The following LPL variants were observed in gnomAD, a reference collection of about 807,000 sequenced individuals.
The protein encoded by LPL is lipoprotein lipase, also known as phospholipase A1.
Under a neutral mutation model 52.2 loss-of-function variants are expected in LPL, and 43 were observed. The observed-to-expected ratio is 0.82, with a 90% CI of 0.64 to 1.06. LPL has a LOEUF of 1.06. LPL is among the 50% of genes least tolerant of loss of function. The pLI is 0.00. For synonymous variants in LPL, 244 were observed against 215.6 expected, an observed-to-expected ratio of 1.13 and a Z score of -1.15; for missense variants, 639 against 585.3, an observed-to-expected ratio of 1.09 and a Z score of -0.95.
At chr8:19,949,156 A>G (rs2069909979) in intron 2 of LPL, among the ~76,000 whole-genome samples, 2 of 152,212 alleles carry the variant, frequency 1.3e-5, no homozygotes, top group South Asian at 4.1e-4. Flanking sequence ...TTTGTGTAAA[A>G]TGGCTTGTTA....
rs775665524 is a variant in LPL at position 19,961,052 on chromosome 8, A to T, written c.1291A>T (p.Ile431Phe). Residue 431 changes from isoleucine to phenylalanine, a missense_variant, in exon 8 of 10, where the codon ATC becomes TTC. By Grantham distance (21) the Ile-to-Phe change is conservative. Coordinates refer to ENST00000650287, the MANE Select transcript of LPL (RefSeq NM_000237.3). The part of the protein sequence containing the change: ...WSSPGFAIQK[I>F]RVKAGETQKK... Reference sequence around the variant, plus strand: ...CAGTCCCGGCTTCGCCATTCAGAAGATCAGAGTAAAAGCAGGAGAGACTCA... The same window carrying T: ...CAGTCCCGGCTTCGCCATTCAGAAGTTCAGAGTAAAAGCAGGAGAGACTCA... 3.1e-6 allele frequency: 5 copies of T among 1,614,150 alleles called. No individual in the cohort carries two copies. In the South Asian group the frequency reaches 4.4e-5, roughly 14 times the overall value.
At chr8:19,942,240 G>T (rs1219580123) in intron 1 of LPL, among the ~76,000 whole-genome samples, 1 of 152,192 alleles carries the variant, frequency 6.6e-6, no homozygotes, top group Non-Finnish European at 1.5e-5. Flanking sequence ...CCTTATGCCA[G>T]ATTGTTCAAG....
chr8:19,964,454 T>C (rs925946190), intron 9 of LPL, among the ~76,000 whole-genome samples: 1 of 152,228 alleles, frequency 6.6e-6, no homozygotes, highest in Non-Finnish European at 1.5e-5. Flanking sequence ...TAATGAAGCA[T>C]TCCTTGTCTG....
At chr8:19,945,681 T>G (rs542951627) in intron 1 of LPL, among the ~76,000 whole-genome samples, 109 of 152,292 alleles carry the variant, frequency 7.2e-4, no homozygotes, top group African/African-American at 2.5e-3. Flanking sequence ...CAAAGAAAAT[T>G]TGTGGTCATT....
rs935472394 is a variant in LPL at position 19,966,180 on chromosome 8, T to G, written c.*870T>G. 2 of 152,188 alleles carry G rather than the reference T, an allele frequency of 1.3e-5. No homozygotes were observed. Among genetic ancestry groups the G allele is most frequent in the Non-Finnish European group, 2.9e-5 (2 of 68,028 alleles). The allele number at this position is 152,188 out of a possible 1,614,324, so 9.4% of individuals were successfully genotyped here. On this transcript the variant is annotated 3_prime_UTR_variant, in exon 10 of 10. Coordinates refer to ENST00000650287, the MANE Select transcript of LPL (RefSeq NM_000237.3). Reference sequence around the variant, plus strand: ...AGATTCTCCAAATGATTTTCATCAATTTAAAATCATTCAATATCTGACAGT... The same window carrying G: ...AGATTCTCCAAATGATTTTCATCAAGTTAAAATCATTCAATATCTGACAGT...
Position 19,939,463 on chromosome 8 carries a change from T to C in LPL, c.23T>C (p.Val8Ala). The C allele has an allele frequency of 6.2e-7, 1 of 1,610,702 alleles. No homozygotes were observed. Among genetic ancestry groups the C allele is most frequent in the African/African-American group, 1.3e-5 (1 of 74,938 alleles). The change falls in exon 1 of 10, where the codon GTG becomes GCG. Residue 8 changes from valine (V) to alanine (A), a missense_variant. Physicochemically the swap from Val to Ala is moderately conservative, Grantham distance 64. Transcript: ENST00000650287. The surrounding 1 kb of genome is among the most constrained non-coding windows in gnomAD (Gnocchi z 4.0). The stretch of plus-strand genomic sequence containing the variant: ...GAGATGGAGAGCAAAGCCCTGCTCG[T>C]GCTGACTCTGGCCGTGTGGCTCCAG... MESKALLVLTLAVWLQSL... is the reference protein window; with the variant it reads MESKALLALTLAVWLQSL...
chr8:19,960,248 G>A (rs565084540), intron 7 of LPL, among the ~76,000 whole-genome samples: 11 of 152,274 alleles, frequency 7.2e-5, no homozygotes, highest in South Asian at 2.1e-4. Flanking sequence ...CTCCAGGTGC[G>A]GAAGGTAGTA....
intron 1 of LPL, among the ~76,000 whole-genome samples, chr8:19,940,107 G>A (rs879657224): frequency 1.6e-4 from 24 of 152,348 alleles, no homozygotes; most frequent in Non-Finnish European, 2.8e-4. Context: ...TCCGCTGTGG[G>A]AGTGGCAGTG....
intron 3 of LPL, 93 bp downstream of exon 3, chr8:19,952,041 T>G (rs1253421212): frequency 1.4e-6 from 2 of 1,423,148 alleles, no homozygotes; most frequent in African/African-American, 2.8e-5. Flanking sequence ...TCTCTTAGAT[T>G]TAAATATTTT....
At chr8:19,953,269 G>A (rs777657377) in intron 3 of LPL, 41 bp from the exon 4 acceptor site, 2 of 1,202,048 alleles carry the variant, frequency 1.7e-6, no homozygotes, top group African/African-American at 3.0e-5. Flanking sequence ...TTTTATTTTT[G>A]GCAGAACTGT....
At position 19,950,969 on chromosome 8, in the gene LPL, G is replaced by A. The variant is rs1447417677; in HGVS notation, c.250-800G>A. The stretch of plus-strand genomic sequence containing the variant: ...AGAAAGGAAGGAAGAACAAAGAAAA[G>A]AGAAACACTGGTAGTACAGAAAAAC... On this transcript the variant is annotated intron_variant, in intron 2 of 9. Transcript: ENST00000650287. This position sits in a 1 kb window ranked among gnomAD's most constrained non-coding sequence, Gnocchi z 4.2. 2.6e-5 allele frequency among the ~76,000 whole-genome samples: 4 copies of A among 152,210 alleles called. No homozygotes were observed. Among genetic ancestry groups the A allele is most frequent in the Admixed American group, 6.5e-5 (1 of 15,294 alleles).
At position 19,949,726 on chromosome 8, in the gene LPL, AC is replaced by A. The variant is rs529313227; in HGVS notation, c.249+1389del. Among the ~76,000 whole-genome samples, 352 of 152,166 alleles carry A rather than the reference AC, an allele frequency of 2.3e-3. 1 individual carries two copies. Among genetic ancestry groups the A allele is most frequent in the African/African-American group, 8.3e-3 (344 of 41,510 alleles). On this transcript the variant is annotated intron_variant, in intron 2 of 9. Transcript: ENST00000650287. The stretch of plus-strand genomic sequence containing the variant: ...TCGAACTCCTGACCTCAAGTGATCT[AC>A]CCACCTTGGCCTCCCAAAGTGTTGG...
Position 19,940,222 on chromosome 8 carries a change from C to A in LPL, c.88+694C>A, listed in dbSNP as rs924902169. Among the ~76,000 whole-genome samples, 6 of 152,234 alleles carry A rather than the reference C, an allele frequency of 3.9e-5. 1 individual carries two copies. Among genetic ancestry groups the A allele is most frequent in the Non-Finnish European group, 8.8e-5 (6 of 68,044 alleles). On this transcript the variant is annotated intron_variant, in intron 1 of 9. Coordinates refer to ENST00000650287, the MANE Select transcript of LPL (RefSeq NM_000237.3). ...CTCTCCAGCTTCCAGGCTCGCATGC[C>A]CCTCTTTTCTTAGTGCCCTGAGAAC...
chr8:19,952,839 G>A (rs1203667316), intron 3 of LPL, among the ~76,000 whole-genome samples: 1 of 152,068 alleles, frequency 6.6e-6, no homozygotes, highest in African/African-American at 2.4e-5. Flanking sequence ...CAGATATTTA[G>A]AGTAAGGAAT....
At position 19,951,804 on chromosome 8, in the gene LPL, T is replaced by C. The variant is rs2069936441; in HGVS notation, c.285T>C (p.Leu95=). ...TGMYESWVPK[L]VAALYKREPD... Reference sequence around the variant, plus strand: ...TGTATGAGAGTTGGGTGCCAAAACTTGTGGCCGCCCTGTACAAGAGAGAAC... The same window carrying C: ...TGTATGAGAGTTGGGTGCCAAAACTCGTGGCCGCCCTGTACAAGAGAGAAC... Residue 95 remains leucine (L), a synonymous_variant, in exon 3 of 10, where the codon CTT becomes CTC. Transcript: ENST00000650287. The C allele has an allele frequency of 1.2e-6, 2 of 1,614,152 alleles. No homozygotes were observed. The highest frequency in any genetic ancestry group is 4.5e-5 in the East Asian group (2 of 44,872).
rs756598856 is a variant in LPL, at chr8:19,951,792, G to C, written c.273G>C (p.Trp91Cys). ...GWTVTGMYES[W>C]VPKLVAALYK... Reference sequence around the variant, plus strand: ...AGGTAACAGGAATGTATGAGAGTTGGGTGCCAAAACTTGTGGCCGCCCTGT... The same window carrying C: ...AGGTAACAGGAATGTATGAGAGTTGCGTGCCAAAACTTGTGGCCGCCCTGT... The change falls in exon 3 of 10, where the codon TGG becomes TGC. Residue 91 changes from tryptophan to cysteine, a missense_variant. Coordinates refer to ENST00000650287, the MANE Select transcript of LPL (RefSeq NM_000237.3). 6.2e-7 allele frequency: 1 copy of C among 1,614,170 alleles called. No homozygotes were observed. The highest frequency in any genetic ancestry group is 2.2e-5 in the East Asian group (1 of 44,870).
At chr8:19,960,414 T>C (rs1356269585) in intron 7 of LPL, among the ~76,000 whole-genome samples, 1 of 152,160 alleles carries the variant, frequency 6.6e-6, no homozygotes, top group African/African-American at 2.4e-5. Context: ...GTATCCAACA[T>C]TGAGGCAGTG....
rs1563588171 is a variant in LPL at position 19,967,061 on chromosome 8, T to G, written c.*1751T>G. The G allele has an allele frequency of 6.5e-6, 1 of 152,770 alleles. No individual in the cohort carries two copies. Among genetic ancestry groups the G allele is most frequent in the Admixed American group, 6.5e-5 (1 of 15,298 alleles). The allele number at this position is 152,770 out of a possible 1,614,324, so 9.5% of individuals were successfully genotyped here. A position where few individuals can be genotyped will look rare whatever the true frequency, so the allele number is the denominator to read the frequency against. On this transcript the variant is annotated 3_prime_UTR_variant, in exon 10 of 10. Transcript: ENST00000650287. Reference sequence around the variant, plus strand: ...TGTGTGGATGTGTAAATGGAGCTTGTACATATTGGAAAGGTCATTGTGGCT... The same window carrying G: ...TGTGTGGATGTGTAAATGGAGCTTGGACATATTGGAAAGGTCATTGTGGCT...
chr8:19,961,252 T>C (rs909715865), intron 8 of LPL, among the ~76,000 whole-genome samples, 169 bp downstream of exon 8: 1 of 59,714 alleles, frequency 1.7e-5, no homozygotes, highest in African/African-American at 9.3e-5. Flanking sequence ...TTCTTATTTT[T>C]GGGGGGCAGG....
Sources: allele counts gnomAD v4.1 joint callset (sites outside exome capture counted in the v4.1 genomes callset), GRCh38; gene constraint gnomAD v4.1.1; non-coding constraint Gnocchi (gnomAD v3.1); transcripts MANE v1.5; gene names NCBI Gene and HGNC (gene_info 2026-07-23, HGNC 2026-07-21).